Variants in SEZ6 observed in about 807,000 individuals in gnomAD.
The protein encoded by SEZ6 is seizure related 6 homolog.
In SEZ6, 53 loss-of-function variants were observed where a neutral mutation model predicts 101.0. The ratio of observed to expected loss-of-function variants is 0.52; its 90% CI spans 0.42 to 0.66. The LOEUF (loss-of-function observed/expected upper bound fraction) is 0.66, where lower values mean the gene tolerates loss of function less well. Ranked by LOEUF, SEZ6 falls within the 30% of genes least tolerant of loss-of-function variation. The pLI, the probability that SEZ6 is intolerant of heterozygous loss-of-function variation, is 0.00. For missense variants in SEZ6, 1,102 were observed against 1,289.4 expected (o/e 0.85, Z 2.23); for synonymous variants, 488 against 512.2 (o/e 0.95, Z 0.64).
chr17:28,979,958 T>G, intron 2 of SEZ6, 145 bp from the exon 3 acceptor site: 1 of 948,470 alleles, frequency 1.1e-6, no homozygotes, highest in Non-Finnish European at 1.5e-6. Flanking sequence ...TCTAGTCTCC[T>G]GTTGAAGGAA....
intron 2 of SEZ6, among the ~76,000 whole-genome samples, chr17:28,980,017 T>C (rs1363463687): frequency 6.6e-6 from 1 of 151,682 alleles, no homozygotes; most frequent in African/African-American, 2.4e-5. Flanking sequence ...TTTTTTTTTT[T>C]TTTGTATTTT....
At chr17:28,988,453 C>T (rs1192101750) in intron 1 of SEZ6, among the ~76,000 whole-genome samples, 4 of 152,232 alleles carry the variant, frequency 2.6e-5, no homozygotes, top group Non-Finnish European at 4.4e-5. Flanking sequence ...AGGCAACCTG[C>T]TCCCCAAAGT....
chr17:28,972,473 G>A (rs2041165513), intron 3 of SEZ6, among the ~76,000 whole-genome samples: 1 of 152,216 alleles, frequency 6.6e-6, no homozygotes, highest in South Asian at 2.1e-4. Context: ...GCTGGGCAGG[G>A]AGAGGTCCCT....
intron 1 of SEZ6, among the ~76,000 whole-genome samples, chr17:28,991,220 A>G (rs531848914): frequency 7.2e-6 from 1 of 139,652 alleles, no homozygotes; most frequent in East Asian, 2.2e-4. Flanking sequence ...TTATTTATTT[A>G]TTGAGACGGA....
chr17:28,976,799 G>A (rs148953883), intron 3 of SEZ6, among the ~76,000 whole-genome samples: 21 of 152,298 alleles, frequency 1.4e-4, no homozygotes, highest in African/African-American at 3.8e-4. Flanking sequence ...CAGGCCTGCC[G>A]CACCTGCTGC....
In SEZ6 at chr17:28,957,458, A is replaced by G; in HGVS notation, c.2384T>C (p.Val795Ala). ...SSPKFPVGAT[V>A]QYICDQGFVL... ...AAAACCCTGGTCACAGATATATTGC[A>G]CGGTGGCCCCCACGGGAAACTTGGG... The change falls in exon 12 of 17, where the codon GTG becomes GCG. Residue 795 changes from valine to alanine, a missense_variant. Physicochemically the swap from Val to Ala is moderately conservative, Grantham distance 64 (BLOSUM62 0). Transcript: ENST00000317338. The G allele has an allele frequency of 6.8e-6, 11 of 1,613,738 alleles. No homozygotes were observed. Among genetic ancestry groups the G allele is most frequent in the Non-Finnish European group, 9.3e-6 (11 of 1,179,700 alleles).
chr17:28,957,586 C>A, intron 11 of SEZ6, 47 bp from the exon 12 acceptor site: 1 of 1,565,734 alleles, frequency 6.4e-7, no homozygotes, highest in Non-Finnish European at 8.7e-7. Flanking sequence ...GAGAACTAAG[C>A]AGAGGCCAAT....
rs1479651656 is a variant in SEZ6 at position 28,964,086 on chromosome 17, G to A, written c.1116C>T (p.Ser372=). 7 of 1,606,410 alleles carry A rather than the reference G, an allele frequency of 4.4e-6. No individual in the cohort carries two copies. The highest frequency in any genetic ancestry group is 6.0e-6 in the Non-Finnish European group (7 of 1,176,434). The change falls in exon 5 of 17, where the codon AGC becomes AGT. Residue 372 remains serine (S), a synonymous_variant. Transcript: ENST00000317338. ...AGCGGGCACTACCCCCTGGGTGGAG[G>A]CTGGTGACAGTCACATCTCCATAAG... ...RPAYGDVTVT[S]LHPGGSARFH...
In SEZ6 at chr17:28,981,385, G is replaced by A. The variant is rs2041299915; in HGVS notation, c.710C>T (p.Thr237Ile). The change falls in exon 2 of 17, where the codon ACA becomes ATA. Residue 237 changes from threonine to isoleucine, a missense_variant. Around this residue, in one of 3 missense-constraint regions of SEZ6, gnomAD observed 406 missense variants for 418.6 expected, o/e 0.97. Coordinates refer to ENST00000317338, the MANE Select transcript of SEZ6 (RefSeq NM_178860.5). ...AGGTAGCTGACCTGGTGTCTGGACTGTGGTGATGGTGGTGGTGATGATGGT... is the reference window on the plus strand; with the variant it reads ...AGGTAGCTGACCTGGTGTCTGGACTATGGTGATGGTGGTGGTGATGATGGT... ...TTTIITTTIT[T>I]VQTPGPCSWN... 4.5e-6 allele frequency: 7 copies of A among 1,550,536 alleles called. No homozygotes were observed. Among genetic ancestry groups the A allele is most frequent in the Non-Finnish European group, 6.1e-6 (7 of 1,146,096 alleles).
At position 28,971,598 on chromosome 17, in the gene SEZ6, C is replaced by CA. The variant is rs369925828; in HGVS notation, c.859-1647dup. Among the ~76,000 whole-genome samples, 702 of 141,010 alleles carry CA rather than the reference C, an allele frequency of 5.0e-3. 3 individuals carry two copies. The highest frequency in any genetic ancestry group is 8.4e-3 in the South Asian group (37 of 4,402). The allele number at this position is 141,010 out of a possible 152,430, so 92.5% of individuals were successfully genotyped here. On this transcript the variant is annotated intron_variant, in intron 3 of 16. Coordinates refer to ENST00000317338, the MANE Select transcript of SEZ6 (RefSeq NM_178860.5). ...ACAAAAGCGAAACTCCATTTCAAAA[C>CA]AAAAAAAAAAAGGAAATACAGAATC...
At chr17:29,006,044 T>C, upstream of SEZ6, 1 of 437,088 alleles carries the variant, frequency 2.3e-6, no homozygotes, top group African/African-American at 2.1e-5. Context: ...GGCCAGCGCC[T>C]GGCGACGGCG....
rs2041684058 is a variant in SEZ6, at chr17:29,005,912, A to C, written c.-43T>G. On this transcript the variant is annotated 5_prime_UTR_variant, in exon 1 of 17. Transcript: ENST00000317338. This position sits in a 1 kb window ranked among gnomAD's most constrained non-coding sequence, Gnocchi z 4.8. ...CGCCCTGGGCTGGGACCGCGGCGGG[A>C]GGGCGGGGGGCTTGGTGGGGCTTGG... is the stretch of plus-strand genomic sequence containing the variant. The C allele has an allele frequency of 7.6e-7, 1 of 1,307,354 alleles. No homozygotes were observed. The highest frequency in any genetic ancestry group is 1.5e-5 in the African/African-American group (1 of 64,578). 81.0% of individuals were successfully genotyped at this position (1,307,354 alleles called of 1,614,324 possible). A position where few individuals can be genotyped will look rare whatever the true frequency, so the allele number is the denominator to read the frequency against.
At chr17:29,001,808 G>A (rs933709150) in intron 1 of SEZ6, among the ~76,000 whole-genome samples, 4 of 152,144 alleles carry the variant, frequency 2.6e-5, no homozygotes, top group Admixed American at 6.5e-5. Context: ...CATAGTCTCC[G>A]CCAGAAACCT....
intron 1 of SEZ6, among the ~76,000 whole-genome samples, chr17:28,998,104 G>T (rs1011586842): frequency 2.0e-5 from 3 of 151,992 alleles, no homozygotes; most frequent in African/African-American, 7.2e-5. Flanking sequence ...GAGAGAGGAA[G>T]GGAGGGAAGG....
At chr17:28,997,695 C>T (rs2041560573) in intron 1 of SEZ6, among the ~76,000 whole-genome samples, 1 of 152,172 alleles carries the variant, frequency 6.6e-6, no homozygotes, top group Non-Finnish European at 1.5e-5. Flanking sequence ...TGGTTTCTTC[C>T]CAGTCACCAT....
intron 5 of SEZ6, among the ~76,000 whole-genome samples, chr17:28,961,473 A>C (rs552730219): frequency 6.6e-6 from 1 of 152,106 alleles, no homozygotes; most frequent in East Asian, 1.9e-4. Context: ...CCAGGCACAG[A>C]GTTGGTGTTC....
Position 28,967,637 on chromosome 17 carries a change from C to G in SEZ6, c.1054+2120G>C, listed in dbSNP as rs866246999. Among the ~76,000 whole-genome samples, 6 of 152,270 alleles carry G rather than the reference C, an allele frequency of 3.9e-5. No individual in the cohort carries two copies. In the South Asian group the frequency reaches 6.2e-4, roughly 16 times the overall value. Reference sequence around the variant, plus strand: ...GAGGTTAACTGACGCCTAGTGGGGTCTAGACCATGAGCCAGGCTCAGGCCC... The same window carrying G: ...GAGGTTAACTGACGCCTAGTGGGGTGTAGACCATGAGCCAGGCTCAGGCCC... On this transcript the variant is annotated intron_variant, in intron 4 of 16. Coordinates refer to ENST00000317338, the MANE Select transcript of SEZ6 (RefSeq NM_178860.5).
chr17:29,004,538 C>T (rs954600895), intron 1 of SEZ6, among the ~76,000 whole-genome samples: 1 of 152,176 alleles, frequency 6.6e-6, no homozygotes, highest in Non-Finnish European at 1.5e-5. Flanking sequence ...AAGGCTTCTG[C>T]GTCTCCGGGG....
intron 7 of SEZ6, 124 bp downstream of exon 7, chr17:28,960,381 C>A (rs975389061): frequency 7.7e-7 from 1 of 1,296,374 alleles, no homozygotes; most frequent in South Asian, 1.3e-5. Context: ...ACTGAGTGAG[C>A]AGGGGCTGAC....
Sources: gnomAD v4.1 joint callset for allele counts (sites outside exome capture counted in the v4.1 genomes callset) on GRCh38, gnomAD v4.1.1 for gene constraint, gnomAD v4.1.1 regional missense constraint, Gnocchi (gnomAD v3.1) non-coding constraint, MANE v1.5 for transcripts, NCBI Gene and HGNC (gene_info 2026-07-23, HGNC 2026-07-21) for gene names.